The following WNT8A variants were observed in gnomAD, a reference collection of about 807,000 sequenced individuals.
WNT8A encodes the protein Wnt family member 8A, also known as protein Wnt-8a.
Under a neutral mutation model 20.5 loss-of-function variants are expected in WNT8A, and 14 were observed. The observed-to-expected ratio is 0.68, with a 90% CI of 0.45 to 1.07. WNT8A has a LOEUF of 1.07. Among genes scored for constraint, WNT8A ranks in the 50% least tolerant of loss-of-function variants. WNT8A has a pLI of 0.00. For synonymous variants in WNT8A, 167 were observed against 169.2 expected, an observed-to-expected ratio of 0.99 and a Z score of 0.10; for missense variants, 397 against 462.9, an observed-to-expected ratio of 0.86 and a Z score of 1.31.
the WNT8A span, among the ~76,000 whole-genome samples, chr5:138,078,234 A>G: frequency 3.9e-5 from 6 of 152,128 alleles, no homozygotes; most frequent in African/African-American, 1.4e-4. Flanking sequence ...GACCAGGGGT[A>G]GAAAATCCCT....
At chr5:138,084,716 C>CA (rs1750605777) in intron 2 of WNT8A, 80 bp downstream of exon 2, 3 of 1,484,042 alleles carry the variant, frequency 2.0e-6, no homozygotes, top group Non-Finnish European at 2.7e-6. Context: ...ATATGTGTGA[C>CA]ATGTATTGCA....
Position 138,088,925 on chromosome 5 carries a change from A to G in WNT8A, c.422-2A>G. ...GAGAACTTATTCTGTCCTTGTATAT[A>G]GGAGGCCATGGCTGGATCTGGGGAG... On this transcript the variant is annotated splice_acceptor_variant, in intron 3 of 4. Coordinates refer to ENST00000506684, the MANE Select transcript of WNT8A (RefSeq NM_001300939.2). LOFTEE classifies it high-confidence loss of function. 6.2e-7 allele frequency: 1 copy of G among 1,613,614 alleles called. No homozygotes were observed. The highest frequency in any genetic ancestry group is 1.1e-5 in the South Asian group (1 of 90,986).
chr5:138,080,444 G>GTTTTTTTTTTTTTT (rs371833243), upstream of WNT8A, among the ~76,000 whole-genome samples: 5 of 55,970 alleles, frequency 8.9e-5, no homozygotes, highest in African/African-American at 1.3e-4. Context: ...TGTAAATCTT[G>GTTTTTTTTTTTTTT]TTTTTTTTTT....
chr5:138,085,406 A>G (rs1377760278), intron 2 of WNT8A, among the ~76,000 whole-genome samples: 2 of 152,182 alleles, frequency 1.3e-5, no homozygotes, highest in African/African-American at 4.8e-5. Context: ...GAGACGTCAC[A>G]TTGAGTTGTG....
upstream of WNT8A, among the ~76,000 whole-genome samples, chr5:138,080,444 G>GTTTTTTTGTT (rs750585385): frequency 0.012 from 667 of 55,604 alleles, 11 homozygotes; most frequent in Middle Eastern, 0.048. Context: ...TGTAAATCTT[G>GTTTTTTTGTT]TTTTTTTTTT....
upstream of WNT8A, among the ~76,000 whole-genome samples, chr5:138,080,441 C>CTTGTTT (rs1750473043): frequency 1.8e-5 from 1 of 56,372 alleles, no homozygotes; most frequent in Non-Finnish European, 3.5e-5. Flanking sequence ...CTCTGTAAAT[C>CTTGTTT]TTGTTTTTTT....
At chr5:138,083,209 A>G (rs1006765156), upstream of WNT8A, among the ~76,000 whole-genome samples, 2 of 150,828 alleles carry the variant, frequency 1.3e-5, no homozygotes, top group Non-Finnish European at 2.9e-5. Context: ...TGAACCCAGG[A>G]GGCAGAGGTT....
At position 138,090,626 on chromosome 5, in the gene WNT8A, G is replaced by C. The variant is rs779213658; in HGVS notation, c.663G>C (p.Glu221Asp). The C allele has an allele frequency of 5.6e-6, 9 of 1,614,226 alleles. No homozygotes were observed. The highest frequency in any genetic ancestry group is 6.8e-6 in the Non-Finnish European group (8 of 1,180,044). Reference protein sequence around the residue: ...TCWLQLAEFREMGDYLKAKYD... With the variant: ...TCWLQLAEFRDMGDYLKAKYD... ...GGCTGCAGCTGGCTGAATTCCGGGAGATGGGAGACTACCTAAAGGCCAAGT... is the reference window on the plus strand; with the variant it reads ...GGCTGCAGCTGGCTGAATTCCGGGACATGGGAGACTACCTAAAGGCCAAGT... The change falls in exon 5 of 5, where the codon GAG becomes GAC. Residue 221 changes from glutamate (E) to aspartate (D), a missense_variant. Transcript: ENST00000506684.
chr5:138,090,905 G>A lies in WNT8A; in HGVS notation c.942G>A (p.Glu314=), dbSNP rs1053509147. 1 of 1,614,218 alleles carries A rather than the reference G, an allele frequency of 6.2e-7. No homozygotes were observed. Among genetic ancestry groups the A allele is most frequent in the East Asian group, 2.2e-5 (1 of 44,894 alleles). The change falls in exon 5 of 5, where the codon GAG becomes GAA. Residue 314 remains glutamate (E), a synonymous_variant. Coordinates refer to ENST00000506684, the MANE Select transcript of WNT8A (RefSeq NM_001300939.2). ...ERRSCGRLCT[E]CGLQVEERKT... ...GTAGCTGTGGGCGCCTGTGCACTGA[G>A]TGTGGGCTGCAGGTGGAAGAGAGGA...
intron 3 of WNT8A, 29 bp from the exon 4 acceptor site, chr5:138,088,897 AC>A: frequency 6.2e-7 from 1 of 1,610,808 alleles, no homozygotes; most frequent in Non-Finnish European, 8.5e-7. Context: ...ATGGAGCTAC[AC>A]GGAGAACTTA....
At chr5:138,078,579 A>G in the WNT8A span, among the ~76,000 whole-genome samples, 1 of 152,202 alleles carries the variant, frequency 6.6e-6, no homozygotes, top group East Asian at 1.9e-4. Context: ...TTGGGTGACC[A>G]GCTATCCTGG....
At chr5:138,089,443 G>A (rs1006277566) in intron 4 of WNT8A, among the ~76,000 whole-genome samples, 1 of 152,124 alleles carries the variant, frequency 6.6e-6, no homozygotes, top group African/African-American at 2.4e-5. Flanking sequence ...GTCCAGCCTT[G>A]TGTCCTAAAG....
At chr5:138,080,661 C>T (rs867079567), upstream of WNT8A, among the ~76,000 whole-genome samples, 4 of 151,366 alleles carry the variant, frequency 2.6e-5, no homozygotes, top group African/African-American at 4.9e-5. Context: ...AGTACAGTGG[C>T]GCAATCATGG....
chr5:138,082,631 G>T (rs960342280), upstream of WNT8A, among the ~76,000 whole-genome samples: 3 of 151,954 alleles, frequency 2.0e-5, no homozygotes, highest in Admixed American at 6.6e-5. Context: ...TGTAATCCCA[G>T]CACTTTGGGA....
In WNT8A at chr5:138,088,944, TG is replaced by T. The variant is rs1042378772; in HGVS notation, c.443del (p.Gly148GlufsTer30). On this transcript the variant is annotated frameshift_variant, in exon 4 of 5. Coordinates refer to ENST00000506684, the MANE Select transcript of WNT8A (RefSeq NM_001300939.2). LOFTEE classifies it high-confidence loss of function. ...NGKTGGHGWI[W>X]GGCSDNVEFG... ...GTATATAGGAGGCCATGGCTGGATC[TG>T]GGGAGGCTGCAGCGACAATGTGGAA... 3 of 1,613,988 alleles carry T rather than the reference TG, an allele frequency of 1.9e-6. No individual in the cohort carries two copies. Among genetic ancestry groups the T allele is most frequent in the African/African-American group, 2.7e-5 (2 of 74,998 alleles).
At chr5:138,078,192 G>C in the WNT8A span, among the ~76,000 whole-genome samples, 10 of 152,130 alleles carry the variant, frequency 6.6e-5, no homozygotes, top group African/African-American at 2.2e-4. Flanking sequence ...GTATCCTCAG[G>C]GGGTGAGAAG....
chr5:138,083,909 C>T (rs768691474), upstream of WNT8A: 219 of 545,522 alleles, frequency 4.0e-4, 1 homozygote, highest in Admixed American at 8.5e-4. Context: ...CCTCCCAGAT[C>T]CCCCACTGGG....
At position 138,091,076 on chromosome 5, in the gene WNT8A, A is replaced by G. The variant is rs779018080; in HGVS notation, c.*3A>G. The G allele has an allele frequency of 3.7e-6, 6 of 1,606,436 alleles. No individual in the cohort carries two copies. The highest frequency in any genetic ancestry group is 5.1e-6 in the Non-Finnish European group (6 of 1,175,450). On this transcript the variant is annotated 3_prime_UTR_variant, in exon 5 of 5. Coordinates refer to ENST00000506684, the MANE Select transcript of WNT8A (RefSeq NM_001300939.2). ...CCCTGGGTAAGGGCAGTGCCTGATA[A>G]TACCCCACACAAGTTCACTTGATTA...
Position 138,090,530 on chromosome 5 carries a change from A to G in WNT8A, c.567A>G (p.Ala189=). ...NLHNNRAGRL[A]VRATMKRTCK... ...TCTTTTGTGTTCTCTCTATGAAGGCAGTGAGAGCCACCATGAAAAGGACAT... is the reference window on the plus strand; with the variant it reads ...TCTTTTGTGTTCTCTCTATGAAGGCGGTGAGAGCCACCATGAAAAGGACAT... The change falls in exon 5 of 5, where the codon GCA becomes GCG. Residue 189 remains alanine (A), a splice_region_variant and synonymous_variant. Transcript: ENST00000506684. 6.2e-7 allele frequency: 1 copy of G among 1,613,590 alleles called. No individual in the cohort carries two copies. Among genetic ancestry groups the G allele is most frequent in the South Asian group, 1.1e-5 (1 of 90,948 alleles).
Sources: gnomAD v4.1 joint callset for allele counts (sites outside exome capture counted in the v4.1 genomes callset) on GRCh38, gnomAD v4.1.1 for gene constraint, MANE v1.5 for transcripts, NCBI Gene and HGNC (gene_info 2026-07-23, HGNC 2026-07-21) for gene names.